The following GALNT13 variants were observed in gnomAD, a reference collection of about 807,000 sequenced individuals.
GALNT13 encodes the protein UDP-GalNAc:polypeptide N-acetylgalactosaminyltransferase 13.
GALNT13 carries 28 observed loss-of-function variants against 64.2 expected under a neutral mutation model. The ratio of observed to expected loss-of-function variants is 0.44; its 90% CI spans 0.32 to 0.60. The LOEUF (loss-of-function observed/expected upper bound fraction) is 0.60. Ranked by LOEUF, GALNT13 falls within the 20% of genes least tolerant of loss-of-function variation. GALNT13 has a pLI of 0.05. For missense variants in GALNT13, 577 were observed against 669.8 expected (o/e 0.86, Z 1.53); for synonymous variants, 214 against 224.6 (o/e 0.95, Z 0.42).
intron 3 of GALNT13, among the ~76,000 whole-genome samples, chr2:154,087,994 T>C (rs1040378202): frequency 2.6e-5 from 4 of 152,094 alleles, no homozygotes; most frequent in African/African-American, 9.7e-5. Context: ...ATGGAATTTG[T>C]TATGTGTTTC....
At chr2:153,927,577 T>C (rs1283916477) in intron 2 of GALNT13, among the ~76,000 whole-genome samples, 3 of 152,070 alleles carry the variant, frequency 2.0e-5, no homozygotes, top group African/African-American at 7.2e-5. Context: ...ATATGACAAG[T>C]TTTCTTTGCT....
chr2:154,438,536 C>T, intron 11 of GALNT13, 56 bp from the exon 12 acceptor site: 2 of 1,360,774 alleles, frequency 1.5e-6, no homozygotes. Flanking sequence ...TAGATCTGCT[C>T]TATTGTGACA....
At position 154,282,477 on chromosome 2, in the gene GALNT13, T is replaced by C. The variant is rs563579530; in HGVS notation, c.976-18932T>C. On this transcript the variant is annotated intron_variant, in intron 8 of 12. Transcript: ENST00000392825. ...AAATATGATCTCTACAAGTGGTTTG[T>C]GTACCCTAGGTAAAAAGACTAATCT... Among the ~76,000 whole-genome samples, 28 of 152,296 alleles carry C rather than the reference T, an allele frequency of 1.8e-4. No individual in the cohort carries two copies. In the South Asian group the frequency reaches 5.8e-3, roughly 32 times the overall value.
At chr2:153,965,736 T>C (rs892813449) in intron 3 of GALNT13, among the ~76,000 whole-genome samples, 31 of 151,732 alleles carry the variant, frequency 2.0e-4, no homozygotes, top group African/African-American at 7.0e-4. Flanking sequence ...GATATTATCT[T>C]ATAATCAATG....
intron 4 of GALNT13, among the ~76,000 whole-genome samples, chr2:154,226,616 G>A (rs190987591): frequency 1.1e-4 from 17 of 152,098 alleles, no homozygotes; most frequent in African/African-American, 1.7e-4. Context: ...TAAACCTTGC[G>A]ATTACTATTT....
the GALNT13 span, among the ~76,000 whole-genome samples, chr2:153,742,004 A>C: frequency 2.6e-5 from 4 of 152,138 alleles, no homozygotes; most frequent in East Asian, 5.8e-4. Context: ...ATTTGTTCTC[A>C]ATGATTTTGA....
the GALNT13 span, among the ~76,000 whole-genome samples, chr2:153,259,718 G>A: frequency 6.6e-6 from 1 of 152,088 alleles, no homozygotes; most frequent in African/African-American, 2.4e-5. Context: ...ATGATAGTGA[G>A]GCCTCCCCAG....
chr2:153,591,749 A>G, the GALNT13 span, among the ~76,000 whole-genome samples: 1 of 152,110 alleles, frequency 6.6e-6, no homozygotes, highest in Non-Finnish European at 1.5e-5. Context: ...ACACAGGGAA[A>G]ACTCTTCTGG....
chr2:153,772,776 A>G, the GALNT13 span, among the ~76,000 whole-genome samples: 1 of 152,144 alleles, frequency 6.6e-6, no homozygotes, highest in Non-Finnish European at 1.5e-5. Flanking sequence ...TGGCTTTTAT[A>G]GGTATTTTTT....
intron 10 of GALNT13, among the ~76,000 whole-genome samples, chr2:154,407,089 T>C (rs576793840): frequency 2.6e-5 from 4 of 152,254 alleles, no homozygotes; most frequent in African/African-American, 9.6e-5. Context: ...TGAATATGGC[T>C]TTGAATTTTC....
intron 3 of GALNT13, among the ~76,000 whole-genome samples, chr2:154,020,098 G>A (rs1446324999): frequency 2.6e-5 from 4 of 152,040 alleles, no homozygotes; most frequent in Admixed American, 6.6e-5. Context: ...CTAGTCTGTC[G>A]TTGTTGCACA....
At chr2:153,126,685 C>T in the GALNT13 span, among the ~76,000 whole-genome samples, 2 of 152,016 alleles carry the variant, frequency 1.3e-5, no homozygotes, top group Admixed American at 1.3e-4. Context: ...TTTGTCAGGC[C>T]CTCTAGAGAC....
At chr2:153,281,621 A>G in the GALNT13 span, among the ~76,000 whole-genome samples, 2 of 152,134 alleles carry the variant, frequency 1.3e-5, no homozygotes, top group African/African-American at 4.8e-5. Flanking sequence ...CAAATCTGGA[A>G]AAGATTTTAT....
At chr2:154,232,798 C>G (rs149001022) in intron 4 of GALNT13, among the ~76,000 whole-genome samples, 1 of 150,674 alleles carries the variant, frequency 6.6e-6, no homozygotes, top group Non-Finnish European at 1.5e-5. Flanking sequence ...TTTGGGAAGC[C>G]GAGGTGGGCA....
At chr2:154,092,533 T>C (rs1701868141) in intron 3 of GALNT13, among the ~76,000 whole-genome samples, 1 of 152,000 alleles carries the variant, frequency 6.6e-6, no homozygotes, top group Admixed American at 6.6e-5. Flanking sequence ...TCTTCCCCAA[T>C]TAACTTAATT....
At chr2:154,106,831 G>A (rs995939292) in intron 3 of GALNT13, among the ~76,000 whole-genome samples, 5 of 152,090 alleles carry the variant, frequency 3.3e-5, no homozygotes, top group African/African-American at 9.7e-5. Context: ...AGTCAAGCTA[G>A]TTAACATATT....
chr2:153,594,044 A>G, the GALNT13 span, among the ~76,000 whole-genome samples: 1 of 152,186 alleles, frequency 6.6e-6, no homozygotes, highest in Non-Finnish European at 1.5e-5. Context: ...GGCAATTTAC[A>G]TTAATTAGGG....
the GALNT13 span, among the ~76,000 whole-genome samples, chr2:153,082,608 TATATATATATACACACACACACAC>T: frequency 2.1e-3 from 94 of 44,908 alleles, no homozygotes; most frequent in African/African-American, 4.7e-3. Flanking sequence ...TATATATATA[TATATATATATACACACACACACAC>T]ACACACACAC....
the GALNT13 span, among the ~76,000 whole-genome samples, chr2:153,676,904 A>G: frequency 6.6e-6 from 1 of 152,252 alleles, no homozygotes; most frequent in South Asian, 2.1e-4. Context: ...CATCTACGAA[A>G]AAAACACAGC....
Sources: gnomAD v4.1 joint callset for allele counts (sites outside exome capture counted in the v4.1 genomes callset) on GRCh38, gnomAD v4.1.1 for gene constraint, MANE v1.5 for transcripts, NCBI Gene and HGNC (gene_info 2026-07-23, HGNC 2026-07-21) for gene names.